Variants in TAFA1 observed in about 807,000 individuals in gnomAD.
TAFA1 encodes the protein chemokine-like protein TAFA-1.
A neutral mutation model predicts 18.5 loss-of-function variants in TAFA1; 4 were observed. That is an observed-to-expected ratio of 0.22 (90% CI 0.11 to 0.49). The LOEUF is 0.49. TAFA1 is among the 20% of genes least tolerant of loss of function. The pLI is 0.98. For missense variants in TAFA1, 147 were observed against 169.0 expected, an observed-to-expected ratio of 0.87 and a Z score of 0.72; for synonymous variants, 56 against 55.2, an observed-to-expected ratio of 1.01 and a Z score of -0.06.
At position 68,269,996 on chromosome 3, in the gene TAFA1, T is replaced by C. The variant is rs879750946; in HGVS notation, c.119-147284T>C. The stretch of plus-strand genomic sequence containing the variant: ...TGTGCATTTGGTGAAACAATTTCTA[T>C]GCCTACCTTGGAAAGTCTGTGCCCC... On this transcript the variant is annotated intron_variant, in intron 2 of 4. Coordinates refer to ENST00000478136, the MANE Select transcript of TAFA1 (RefSeq NM_213609.4). Among the ~76,000 whole-genome samples, 13 of 152,198 alleles carry C rather than the reference T, an allele frequency of 8.5e-5. No homozygotes were observed. In the South Asian group the frequency reaches 2.3e-3, roughly 27 times the overall value.
At chr3:68,077,255 G>A (rs1229865875) in intron 2 of TAFA1, among the ~76,000 whole-genome samples, 2 of 142,074 alleles carry the variant, frequency 1.4e-5, no homozygotes, top group Non-Finnish European at 3.1e-5. Flanking sequence ...CCATTTTGTA[G>A]GTTGCCTGTT....
chr3:68,204,531 A>AT (rs954859140), intron 2 of TAFA1, among the ~76,000 whole-genome samples: 5 of 151,724 alleles, frequency 3.3e-5, no homozygotes, highest in Admixed American at 6.6e-5. Context: ...GAGGGAAGGG[A>AT]TTTTTTTATA....
chr3:68,493,139 A>G (rs2072483741), intron 3 of TAFA1, among the ~76,000 whole-genome samples: 1 of 150,836 alleles, frequency 6.6e-6, no homozygotes, highest in Non-Finnish European at 1.5e-5. Flanking sequence ...TTAAACAACA[A>G]CTCCCCTTTT....
At chr3:68,143,882 T>G (rs2065701723) in intron 2 of TAFA1, among the ~76,000 whole-genome samples, 1 of 152,192 alleles carries the variant, frequency 6.6e-6, no homozygotes, top group African/African-American at 2.4e-5. Flanking sequence ...ATAACCTAGT[T>G]TGGTTCCTCT....
chr3:68,261,079 A>C (rs1249680002), intron 2 of TAFA1, among the ~76,000 whole-genome samples: 2 of 152,170 alleles, frequency 1.3e-5, no homozygotes, highest in Admixed American at 1.3e-4. Flanking sequence ...TACAAGAAAA[A>C]AAAAACCATC....
intron 3 of TAFA1, among the ~76,000 whole-genome samples, chr3:68,526,675 C>G (rs2073115514): frequency 6.6e-6 from 1 of 152,048 alleles, no homozygotes; most frequent in Admixed American, 6.6e-5. Flanking sequence ...TCATAATGTA[C>G]TTTTTAAAAC....
intron 2 of TAFA1, among the ~76,000 whole-genome samples, chr3:68,235,838 G>T (rs180816543): frequency 6.6e-6 from 1 of 152,226 alleles, no homozygotes; most frequent in East Asian, 1.9e-4. Flanking sequence ...AATTTCTTGA[G>T]AGTGAAAATA....
At chr3:68,028,481 A>G (rs558194364) in intron 2 of TAFA1, among the ~76,000 whole-genome samples, 18 of 152,294 alleles carry the variant, frequency 1.2e-4, no homozygotes, top group African/African-American at 4.3e-4. Context: ...AGTTACCACA[A>G]ACTGGGTGGC....
At chr3:68,193,794 C>G (rs1009614532) in intron 2 of TAFA1, among the ~76,000 whole-genome samples, 2 of 151,522 alleles carry the variant, frequency 1.3e-5, no homozygotes, top group Admixed American at 1.3e-4. Flanking sequence ...TATATGGTAG[C>G]TGTGTTAGTC....
intron 2 of TAFA1, among the ~76,000 whole-genome samples, chr3:68,067,470 G>T (rs557208801): frequency 5.9e-5 from 9 of 152,288 alleles, no homozygotes; most frequent in East Asian, 1.9e-4. Context: ...CTCCATGAGA[G>T]TGAGGAATGT....
intron 3 of TAFA1, among the ~76,000 whole-genome samples, chr3:68,452,986 T>C (rs1457634228): frequency 6.6e-6 from 1 of 152,214 alleles, no homozygotes; most frequent in Non-Finnish European, 1.5e-5. Flanking sequence ...CTCGCCTCTT[T>C]GAATGATAAT....
intron 2 of TAFA1, among the ~76,000 whole-genome samples, chr3:68,177,993 A>C (rs2066146191): frequency 6.6e-6 from 1 of 152,006 alleles, no homozygotes; most frequent in Non-Finnish European, 1.5e-5. Flanking sequence ...AAATACAAAA[A>C]ATTAGCCTGG....
chr3:68,132,294 G>A (rs1218499498), intron 2 of TAFA1, among the ~76,000 whole-genome samples: 2 of 152,148 alleles, frequency 1.3e-5, no homozygotes, highest in Non-Finnish European at 2.9e-5. Context: ...GGACATTTGG[G>A]TTGGTTCCAA....
At chr3:68,452,538 A>AAC (rs1553692284) in intron 3 of TAFA1, among the ~76,000 whole-genome samples, 26 of 151,208 alleles carry the variant, frequency 1.7e-4, no homozygotes, top group Admixed American at 5.3e-4. Context: ...AAAAAAAAAA[A>AAC]AAACTAGCAA....
At chr3:68,527,113 A>C (rs1425648783) in intron 3 of TAFA1, among the ~76,000 whole-genome samples, 8 of 152,298 alleles carry the variant, frequency 5.3e-5, no homozygotes, top group Admixed American at 4.6e-4. Flanking sequence ...AAGTCATGTA[A>C]AGCTGAATTC....
At chr3:68,065,738 G>A (rs13090858) in intron 2 of TAFA1, among the ~76,000 whole-genome samples, 1,456 of 131,832 alleles carry the variant, frequency 0.011, 18 homozygotes, top group African/African-American at 0.037. Flanking sequence ...ATGTGTGTGT[G>A]TGTATATATA....
At chr3:68,419,718 C>A (rs1448069544) in intron 3 of TAFA1, among the ~76,000 whole-genome samples, 1 of 152,132 alleles carries the variant, frequency 6.6e-6, no homozygotes, top group Non-Finnish European at 1.5e-5. Context: ...TAAGGAAGGA[C>A]AACCTCTAGA....
chr3:68,150,076 G>A (rs1416504481), intron 2 of TAFA1, among the ~76,000 whole-genome samples: 1 of 152,156 alleles, frequency 6.6e-6, no homozygotes, highest in East Asian at 1.9e-4. Context: ...CTTTATTTCA[G>A]TAATATGAAA....
intron 3 of TAFA1, among the ~76,000 whole-genome samples, chr3:68,499,437 TGTTC>T (rs1436791420): frequency 1.1e-3 from 115 of 101,158 alleles, no homozygotes; most frequent in South Asian, 1.7e-3. Flanking sequence ...TTTCTTTCTG[TGTTC>T]CTTTCTTTTT....
Sources: gnomAD v4.1 joint callset for allele counts (sites outside exome capture counted in the v4.1 genomes callset) on GRCh38, gnomAD v4.1.1 for gene constraint, MANE v1.5 for transcripts, NCBI Gene and HGNC (gene_info 2026-07-23, HGNC 2026-07-21) for gene names.